Variants in TCF7L1 observed in about 807,000 individuals in gnomAD.
The protein encoded by TCF7L1 is transcription factor 7-like 1.
A neutral mutation model predicts 63.7 loss-of-function variants in TCF7L1; 18 were observed. The ratio of observed to expected loss-of-function variants is 0.28; its 90% CI spans 0.20 to 0.42. The LOEUF is 0.42. TCF7L1 is among the 10% of genes least tolerant of loss of function. TCF7L1 has a pLI of 1.00. For synonymous variants in TCF7L1, 355 were observed against 340.9 expected, an observed-to-expected ratio of 1.04 and a Z score of -0.46; for missense variants, 654 against 779.3, an observed-to-expected ratio of 0.84 and a Z score of 1.91.
chr2:85,249,766 GA>G (rs1402862557), intron 3 of TCF7L1, among the ~76,000 whole-genome samples: 2 of 152,174 alleles, frequency 1.3e-5, no homozygotes, highest in African/African-American at 4.8e-5. Flanking sequence ...TGGGAGAGTA[GA>G]AAACCCATGG....
intron 3 of TCF7L1, chr2:85,166,853 C>A (rs1678429620): frequency 6.6e-6 from 1 of 152,262 alleles, no homozygotes; most frequent in African/African-American, 2.4e-5. Flanking sequence ...AATGTTCATA[C>A]TGTGTCTGGG....
intron 3 of TCF7L1, among the ~76,000 whole-genome samples, chr2:85,257,788 G>A (rs1000183577): frequency 3.9e-5 from 6 of 152,166 alleles, no homozygotes; most frequent in African/African-American, 9.7e-5. Flanking sequence ...GGACTGCCCC[G>A]GAATCAGGAC....
rs545740353 is a variant in TCF7L1 at position 85,203,946 on chromosome 2, C to T, written c.441+69496C>T. On this transcript the variant is annotated intron_variant, in intron 3 of 11. Coordinates refer to ENST00000282111, the MANE Select transcript of TCF7L1 (RefSeq NM_031283.3). ...AAGAACGCAAGGGAAATCTCCTAAA[C>T]GACTCAAACTATACAGGGAGGGGCG... is the stretch of plus-strand genomic sequence containing the variant. Among the ~76,000 whole-genome samples, 11 of 152,224 alleles carry T rather than the reference C, an allele frequency of 7.2e-5. No individual in the cohort carries two copies. In the East Asian group the frequency reaches 1.5e-3, roughly 21 times the overall value.
chr2:85,259,265 G>C (rs897621629), intron 3 of TCF7L1, among the ~76,000 whole-genome samples: 2 of 152,196 alleles, frequency 1.3e-5, no homozygotes, highest in African/African-American at 4.8e-5. Context: ...TAAGCGCCCC[G>C]CCAATCCCCG....
chr2:85,207,432 C>A (rs1679434139), intron 3 of TCF7L1, among the ~76,000 whole-genome samples: 1 of 152,084 alleles, frequency 6.6e-6, no homozygotes, highest in African/African-American at 2.4e-5. Flanking sequence ...CTCACAGCAC[C>A]CTTGGCACTT....
intron 3 of TCF7L1, among the ~76,000 whole-genome samples, chr2:85,250,722 C>T (rs1573010031): frequency 1.3e-5 from 2 of 152,184 alleles, no homozygotes; most frequent in Admixed American, 1.3e-4. Context: ...AGGCGTGATC[C>T]ACCATGCCCA....
chr2:85,236,966 T>C (rs1374785184), intron 3 of TCF7L1, among the ~76,000 whole-genome samples: 2 of 152,194 alleles, frequency 1.3e-5, no homozygotes, highest in Non-Finnish European at 2.9e-5. Context: ...GTCACTGTCG[T>C]AAGCTCTTTT....
At chr2:85,174,319 C>T (rs1678627666) in intron 3 of TCF7L1, among the ~76,000 whole-genome samples, 1 of 152,116 alleles carries the variant, frequency 6.6e-6, no homozygotes, top group African/African-American at 2.4e-5. Context: ...GCACTTCCTC[C>T]GTTTTTGTTG....
intron 3 of TCF7L1, among the ~76,000 whole-genome samples, chr2:85,220,449 A>ACCT (rs201905759): frequency 0.05 from 7,553 of 151,934 alleles, 206 homozygotes; most frequent in African/African-American, 0.055. Context: ...GCTCACTGCA[A>ACCT]CCTCCTCCCA....
intron 4 of TCF7L1, among the ~76,000 whole-genome samples, chr2:85,284,301 C>T (rs1681490558): frequency 6.6e-6 from 1 of 152,138 alleles, no homozygotes; most frequent in South Asian, 2.1e-4. Context: ...TGAGCCACCG[C>T]GCCCGGCCGA....
intron 3 of TCF7L1, among the ~76,000 whole-genome samples, chr2:85,151,375 A>C (rs1385913749): frequency 6.6e-6 from 1 of 152,178 alleles, no homozygotes; most frequent in Non-Finnish European, 1.5e-5. Flanking sequence ...ATTTTTGGTC[A>C]AGATTCAGAG....
At chr2:85,190,569 C>G (rs1158479556) in intron 3 of TCF7L1, among the ~76,000 whole-genome samples, 3 of 152,178 alleles carry the variant, frequency 2.0e-5, no homozygotes, top group Admixed American at 6.5e-5. Context: ...CTGGGAACCT[C>G]TGGCACCTGA....
In TCF7L1 at chr2:85,306,605, C is replaced by A; in HGVS notation, c.1257+46C>A. The A allele has an allele frequency of 6.7e-7, 1 of 1,498,620 alleles. No individual in the cohort carries two copies. The highest frequency in any genetic ancestry group is 9.3e-7 in the Non-Finnish European group (1 of 1,079,498). 92.8% of individuals were successfully genotyped at this position (1,498,620 alleles called of 1,614,324 possible). ...GAGGACGCTCAGACCCCAGGAACAG[C>A]CTCTGCAAGAGGAGGAAGGGTGAAG... On this transcript the variant is annotated intron_variant, in intron 10 of 11. Coordinates refer to ENST00000282111, the MANE Select transcript of TCF7L1 (RefSeq NM_031283.3). This position sits in a 1 kb window ranked among gnomAD's most constrained non-coding sequence, Gnocchi z 4.3.
At chr2:85,231,913 C>T (rs56284888) in intron 3 of TCF7L1, among the ~76,000 whole-genome samples, 5,885 of 152,162 alleles carry the variant, frequency 0.039, 120 homozygotes, top group Middle Eastern at 0.044. Context: ...CCTGTGCCTC[C>T]GTTTCTTCAT....
intron 4 of TCF7L1, 141 bp from the exon 5 acceptor site, chr2:85,302,343 G>A: frequency 8.6e-7 from 1 of 1,167,442 alleles, no homozygotes; most frequent in East Asian, 2.3e-5. Flanking sequence ...GTCCACTGCT[G>A]TCATCTCTCA....
chr2:85,169,601 A>G (rs763452890), intron 3 of TCF7L1, among the ~76,000 whole-genome samples: 1 of 152,256 alleles, frequency 6.6e-6, no homozygotes, highest in African/African-American at 2.4e-5. Flanking sequence ...TGAACAAGAC[A>G]AAGCATATTG....
intron 5 of TCF7L1, chr2:85,303,342 CTT>C (rs80330857): frequency 4.2e-4 from 60 of 144,176 alleles, no homozygotes; most frequent in Admixed American, 3.5e-4. Flanking sequence ...GCTTTTTTTT[CTT>C]TTTTTTTTTT....
At position 85,309,827 on chromosome 2, in the gene TCF7L1, C is replaced by A; in HGVS notation, c.*365C>A. 1 of 217,514 alleles carries A rather than the reference C, an allele frequency of 4.6e-6. No individual in the cohort carries two copies. Among genetic ancestry groups the A allele is most frequent in the Non-Finnish European group, 9.0e-6 (1 of 110,684 alleles). The allele number at this position is 217,514 out of a possible 1,614,324, so 13.5% of individuals were successfully genotyped here. A position where few individuals can be genotyped will look rare whatever the true frequency, so the allele number is the denominator to read the frequency against. On this transcript the variant is annotated 3_prime_UTR_variant, in exon 12 of 12. Coordinates refer to ENST00000282111, the MANE Select transcript of TCF7L1 (RefSeq NM_031283.3). ...CCCCTGCCGCCTGCCCCAGCTTCCC[C>A]GACTCCATCTGCAGCTCTGCCATTG...
At chr2:85,299,450 G>T (rs982161452) in intron 4 of TCF7L1, among the ~76,000 whole-genome samples, 12 of 151,784 alleles carry the variant, frequency 7.9e-5, no homozygotes, top group Non-Finnish European at 1.5e-4. Context: ...TACTTGGGAG[G>T]TTGAGGCAGG....
Sources: allele counts gnomAD v4.1 joint callset (sites outside exome capture counted in the v4.1 genomes callset), GRCh38; gene constraint gnomAD v4.1.1; non-coding constraint Gnocchi (gnomAD v3.1); transcripts MANE v1.5; gene names NCBI Gene and HGNC (gene_info 2026-07-23, HGNC 2026-07-21).